The following FGF14 variants were observed in gnomAD, a reference collection of about 807,000 sequenced individuals.
The protein encoded by FGF14 is fibroblast growth factor homologous factor 4.
A neutral mutation model predicts 25.5 loss-of-function variants in FGF14; 5 were observed. The observed-to-expected ratio is 0.20, with a 90% CI of 0.10 to 0.41. The LOEUF is 0.41. FGF14 is among the 10% of genes least tolerant of loss of function. The pLI is 1.00. For synonymous variants in FGF14, 138 were observed against 118.3 expected, an observed-to-expected ratio of 1.17 and a Z score of -1.08; for missense variants, 222 against 320.1, an observed-to-expected ratio of 0.69 and a Z score of 2.34.
intron 1 of FGF14, among the ~76,000 whole-genome samples, chr13:102,235,449 G>C (rs2051285496): frequency 6.6e-6 from 1 of 152,058 alleles, no homozygotes; most frequent in African/African-American, 2.4e-5. Flanking sequence ...TGGTCACCTG[G>C]GAACTTGTTT....
intron 1 of FGF14, among the ~76,000 whole-genome samples, chr13:102,354,642 G>C (rs535427967): frequency 1.1e-3 from 162 of 152,268 alleles, no homozygotes; most frequent in African/African-American, 3.6e-3. Flanking sequence ...AAATTGTGAG[G>C]AAGGTATGTA....
At chr13:102,083,602 C>T (rs192314990) in intron 1 of FGF14, among the ~76,000 whole-genome samples, 1 of 152,298 alleles carries the variant, frequency 6.6e-6, no homozygotes, top group African/African-American at 2.4e-5. Context: ...CTCTAAAACC[C>T]ACTGACAACT....
chr13:102,314,213 C>G (rs1041784662), intron 1 of FGF14, among the ~76,000 whole-genome samples: 2 of 152,148 alleles, frequency 1.3e-5, no homozygotes, highest in Admixed American at 1.3e-4. Flanking sequence ...TGTAATTTGC[C>G]TGACCTGATC....
At chr13:101,870,720 G>A (rs1040105486) in intron 2 of FGF14, among the ~76,000 whole-genome samples, 6 of 152,132 alleles carry the variant, frequency 3.9e-5, no homozygotes, top group African/African-American at 9.7e-5. Flanking sequence ...TCGGGAAGCC[G>A]AGGCGGGTGG....
chr13:102,160,875 C>T (rs1385463789), intron 1 of FGF14, among the ~76,000 whole-genome samples: 1 of 152,112 alleles, frequency 6.6e-6, no homozygotes, highest in African/African-American at 2.4e-5. Context: ...CCAACTTTTC[C>T]ATTCAGTTTC....
intron 3 of FGF14, among the ~76,000 whole-genome samples, chr13:101,745,169 G>A (rs958152965): frequency 6.6e-6 from 1 of 151,876 alleles, no homozygotes; most frequent in South Asian, 2.1e-4. Flanking sequence ...CTTATTCTGC[G>A]AGTGCTTTAG....
At chr13:102,009,668 T>C (rs1175476632) in intron 1 of FGF14, among the ~76,000 whole-genome samples, 2 of 152,088 alleles carry the variant, frequency 1.3e-5, no homozygotes, top group African/African-American at 4.8e-5. Context: ...CTAGTCATTA[T>C]CTTTGAAAAA....
chr13:101,885,307 A>G (rs2045933051), intron 1 of FGF14, among the ~76,000 whole-genome samples: 1 of 152,084 alleles, frequency 6.6e-6, no homozygotes, highest in Non-Finnish European at 1.5e-5. Flanking sequence ...TAGTGTCCTA[A>G]TTTAACAAGC....
At chr13:102,186,263 C>A (rs979938744) in intron 1 of FGF14, among the ~76,000 whole-genome samples, 2 of 152,126 alleles carry the variant, frequency 1.3e-5, no homozygotes, top group Non-Finnish European at 2.9e-5. Flanking sequence ...TTGGGGTCAA[C>A]AGATTAGAAC....
intron 1 of FGF14, among the ~76,000 whole-genome samples, chr13:101,923,758 CTATT>C (rs1476889581): frequency 6.6e-6 from 1 of 151,950 alleles, no homozygotes; most frequent in Non-Finnish European, 1.5e-5. Flanking sequence ...AGATTTCTAT[CTATT>C]AAAAAACTGG....
chr13:102,114,931 T>C (rs2045398493), intron 1 of FGF14, among the ~76,000 whole-genome samples: 1 of 152,128 alleles, frequency 6.6e-6, no homozygotes, highest in African/African-American at 2.4e-5. Flanking sequence ...TCAATAATTA[T>C]ATATTGAACA....
chr13:102,048,166 C>T (rs1385994825), intron 1 of FGF14, among the ~76,000 whole-genome samples: 2 of 152,118 alleles, frequency 1.3e-5, no homozygotes, highest in African/African-American at 2.4e-5. Context: ...CCAGTTCAAG[C>T]TGTTTAATGA....
chr13:101,766,341 G>A (rs187958154), intron 3 of FGF14, among the ~76,000 whole-genome samples: 48 of 151,998 alleles, frequency 3.2e-4, no homozygotes, highest in African/African-American at 9.9e-4. Flanking sequence ...TTCTTACTAC[G>A]GGCTTCCATG....
chr13:101,982,109 G>A (rs976413122), intron 1 of FGF14, among the ~76,000 whole-genome samples: 2 of 152,182 alleles, frequency 1.3e-5, no homozygotes, highest in Non-Finnish European at 1.5e-5. Context: ...CAAAGAGAAC[G>A]ATTTTAAGGA....
At chr13:101,861,861 G>A (rs545568990) in intron 3 of FGF14, among the ~76,000 whole-genome samples, 56 of 152,226 alleles carry the variant, frequency 3.7e-4, no homozygotes, top group Non-Finnish European at 5.6e-4. Context: ...GTAGATTTTA[G>A]ACACTGCTGA....
At chr13:102,114,305 G>A (rs114842705) in intron 1 of FGF14, among the ~76,000 whole-genome samples, 2,242 of 152,234 alleles carry the variant, frequency 0.015, 49 homozygotes, top group African/African-American at 0.049. Context: ...ATATTTTAGA[G>A]ATCAACCCTT....
At chr13:102,109,747 G>GGCTGAGGGAC (rs1260523214) in intron 1 of FGF14, among the ~76,000 whole-genome samples, 14 of 152,094 alleles carry the variant, frequency 9.2e-5, no homozygotes, top group African/African-American at 3.1e-4. Context: ...AGCCTCCTGA[G>GGCTGAGGGAC]TAGCTGGGAC....
chr13:102,079,534 A>T (rs2043519054), intron 1 of FGF14, among the ~76,000 whole-genome samples: 1 of 152,064 alleles, frequency 6.6e-6, no homozygotes, highest in Non-Finnish European at 1.5e-5. Context: ...TCCTGCCTCA[A>T]TCTCCCAAAA....
chr13:101,779,708 C>G (rs1195611793), intron 3 of FGF14, among the ~76,000 whole-genome samples: 1 of 152,090 alleles, frequency 6.6e-6, no homozygotes, highest in Admixed American at 6.5e-5. Context: ...GCACTGAACA[C>G]TATCATTATT....
Sources: allele counts gnomAD v4.1 joint callset (sites outside exome capture counted in the v4.1 genomes callset), GRCh38; gene constraint gnomAD v4.1.1; transcripts MANE v1.5; gene names NCBI Gene and HGNC (gene_info 2026-07-23, HGNC 2026-07-21).